Variants in MTHFD1L observed in about 807,000 individuals in gnomAD.
MTHFD1L encodes monofunctional C1-tetrahydrofolate synthase, mitochondrial.
Under a neutral mutation model 119.5 loss-of-function variants are expected in MTHFD1L, and 81 were observed. The ratio of observed to expected loss-of-function variants is 0.68; its 90% CI spans 0.57 to 0.82. MTHFD1L has a LOEUF of 0.82. Ranked by LOEUF, MTHFD1L falls within the 40% of genes least tolerant of loss-of-function variation. MTHFD1L has a pLI of 0.00. For synonymous variants in MTHFD1L, 430 were observed against 475.2 expected (o/e 0.90, Z 1.24); for missense variants, 1,125 against 1,253.4 (o/e 0.90, Z 1.55).
intron 20 of MTHFD1L, among the ~76,000 whole-genome samples, chr6:151,003,094 T>G (rs73780310): frequency 0.04 from 6,019 of 152,280 alleles, 422 homozygotes; most frequent in African/African-American, 0.14. Context: ...GTTCTGTGAA[T>G]GCACTAAAGC....
At chr6:150,928,280 CA>C (rs530643822) in intron 11 of MTHFD1L, among the ~76,000 whole-genome samples, 71 of 151,226 alleles carry the variant, frequency 4.7e-4, no homozygotes, top group Middle Eastern at 3.4e-3. Context: ...CTAAAAATAC[CA>C]AAAAATTAGC....
chr6:151,020,870 G>A (rs1783851675), intron 24 of MTHFD1L, among the ~76,000 whole-genome samples: 1 of 152,152 alleles, frequency 6.6e-6, no homozygotes, highest in Admixed American at 6.6e-5. Context: ...TGAAAGAAAC[G>A]CTAATCTACA....
At chr6:150,891,466 A>AAT (rs1491142423) in intron 7 of MTHFD1L, among the ~76,000 whole-genome samples, 26 of 148,018 alleles carry the variant, frequency 1.8e-4, no homozygotes, top group African/African-American at 5.4e-4. Context: ...ATAGAATCTT[A>AAT]ATATATATAT....
At chr6:150,931,379 A>G (rs558180134) in intron 11 of MTHFD1L, among the ~76,000 whole-genome samples, 1 of 141,716 alleles carries the variant, frequency 7.1e-6, no homozygotes, top group East Asian at 2.1e-4. Context: ...TGACTTTTCT[A>G]TGATTTGGCT....
intron 26 of MTHFD1L, among the ~76,000 whole-genome samples, chr6:151,089,560 G>A (rs2128646907): frequency 6.6e-6 from 1 of 152,334 alleles, no homozygotes; most frequent in East Asian, 1.9e-4. Flanking sequence ...CCGAGATCGT[G>A]CCACTGCACT....
intron 20 of MTHFD1L, among the ~76,000 whole-genome samples, chr6:150,995,454 C>A (rs1367962230): frequency 7.0e-6 from 1 of 143,722 alleles, no homozygotes; most frequent in East Asian, 2.2e-4. Flanking sequence ...GCGGAGGTGG[C>A]GGTGAGCTGA....
In MTHFD1L at chr6:150,936,860, A is replaced by G. The variant is rs1463144565; in HGVS notation, c.1313A>G (p.Gln438Arg). The G allele has an allele frequency of 6.2e-7, 1 of 1,614,090 alleles. No homozygotes were observed. Among genetic ancestry groups the G allele is most frequent in the South Asian group, 1.1e-5 (1 of 91,090 alleles). ...AGCACAGTCACCATCGGGCTTGTGCAGGCTCTGACCGCACACCTGAATGTC... is the reference window on the plus strand; with the variant it reads ...AGCACAGTCACCATCGGGCTTGTGCGGGCTCTGACCGCACACCTGAATGTC... ...GKSTVTIGLV[Q>R]ALTAHLNVNS... is the part of the protein sequence containing the mutation. The change falls in exon 12 of 28, where the codon CAG (glutamine) becomes CGG (arginine). Residue 438 changes from glutamine to arginine, a missense_variant. By Grantham distance (43) the Gln-to-Arg change is conservative. Around this residue, in one of 3 missense-constraint regions of MTHFD1L, gnomAD observed 1,058 missense variants for 1,151.2 expected, o/e 0.92. Coordinates refer to ENST00000367321, the MANE Select transcript of MTHFD1L (RefSeq NM_015440.5).
chr6:151,015,824 C>T (rs1562542659), intron 24 of MTHFD1L, 131 bp downstream of exon 24: 5 of 1,119,896 alleles, frequency 4.5e-6, no homozygotes, highest in African/African-American at 1.6e-5. Context: ...CAGTGGCTCA[C>T]GCCTGTAATC....
intron 25 of MTHFD1L, 138 bp from the exon 26 acceptor site, chr6:151,036,827 G>A (rs1786244464): frequency 1.3e-6 from 1 of 797,264 alleles, no homozygotes; most frequent in South Asian, 1.7e-5. Flanking sequence ...CAGTGAACAA[G>A]TAGTAACAAG....
At chr6:151,067,582 C>T (rs1198524344) in intron 26 of MTHFD1L, among the ~76,000 whole-genome samples, 1 of 152,194 alleles carries the variant, frequency 6.6e-6, no homozygotes, top group Non-Finnish European at 1.5e-5. Context: ...CCTTGGCCTC[C>T]CAAAGTGCTG....
intron 1 of MTHFD1L, among the ~76,000 whole-genome samples, chr6:150,874,983 T>G (rs974899670): frequency 2.6e-5 from 4 of 151,812 alleles, no homozygotes; most frequent in Non-Finnish European, 5.9e-5. Context: ...CTCCTGACCT[T>G]GTGATCCACC....
intron 17 of MTHFD1L, 114 bp from the exon 18 acceptor site, chr6:150,960,161 G>A: frequency 2.2e-6 from 3 of 1,363,218 alleles, no homozygotes; most frequent in Non-Finnish European, 3.0e-6. Flanking sequence ...ATGGCCTTTT[G>A]AGGGTAGACT....
intron 18 of MTHFD1L, among the ~76,000 whole-genome samples, chr6:150,960,633 A>G (rs946004322): frequency 3.3e-5 from 5 of 152,164 alleles, no homozygotes; most frequent in African/African-American, 7.2e-5. Flanking sequence ...CAACAAAAAC[A>G]TGTGAAATTT....
intron 26 of MTHFD1L, among the ~76,000 whole-genome samples, chr6:151,082,428 A>T (rs371395329): frequency 7.2e-5 from 11 of 152,232 alleles, no homozygotes; most frequent in African/African-American, 2.4e-4. Flanking sequence ...GGTCTTGGCT[A>T]TTGGTTTAGC....
Position 150,939,795 on chromosome 6 carries a change from A to C in MTHFD1L, c.1440+1050A>C, listed in dbSNP as rs565676599. On this transcript the variant is annotated intron_variant, in intron 13 of 27. Transcript: ENST00000367321. ...TGCCTCCCAGGTTCAAGCAATTCTC[A>C]TGCCTCAGCCTCCTGAGTAGCTGGG... 2.0e-5 allele frequency among the ~76,000 whole-genome samples: 3 copies of C among 148,822 alleles called. No individual in the cohort carries two copies. The Admixed American group carries it at 2.1e-4, about 10-fold the overall frequency.
chr6:151,042,683 A>C (rs1787308417), intron 26 of MTHFD1L, among the ~76,000 whole-genome samples: 1 of 152,260 alleles, frequency 6.6e-6, no homozygotes, highest in Non-Finnish European at 1.5e-5. Flanking sequence ...TTTCATGACA[A>C]AAATACTAAT....
At chr6:150,870,276 T>C (rs868130804) in intron 1 of MTHFD1L, among the ~76,000 whole-genome samples, 7 of 152,236 alleles carry the variant, frequency 4.6e-5, no homozygotes, top group Admixed American at 2.0e-4. Context: ...ACATTTATGC[T>C]ACTTTTTGGA....
intron 26 of MTHFD1L, among the ~76,000 whole-genome samples, chr6:151,061,254 A>G (rs1790589997): frequency 6.6e-6 from 1 of 152,194 alleles, no homozygotes; most frequent in African/African-American, 2.4e-5. Context: ...AGGGGAGCTC[A>G]GGCGCAAGCT....
intron 7 of MTHFD1L, among the ~76,000 whole-genome samples, chr6:150,890,230 A>G (rs978652295): frequency 6.6e-6 from 1 of 152,180 alleles, no homozygotes; most frequent in Non-Finnish European, 1.5e-5. Flanking sequence ...ACTTGCCCAT[A>G]TATATACAAA....
Sources: allele counts gnomAD v4.1 joint callset (sites outside exome capture counted in the v4.1 genomes callset), GRCh38; gene constraint gnomAD v4.1.1; regional missense constraint gnomAD v4.1.1; transcripts MANE v1.5; gene names NCBI Gene and HGNC (gene_info 2026-07-23, HGNC 2026-07-21).